TEP1: variants seen among roughly 807,000 people sequenced by gnomAD.
The protein encoded by TEP1 is telomerase associated protein 1.
Under a neutral mutation model 306.3 loss-of-function variants are expected in TEP1, and 241 were observed. The observed-to-expected ratio is 0.79, with a 90% CI of 0.71 to 0.88. The LOEUF (loss-of-function observed/expected upper bound fraction) is 0.88, where lower values mean the gene tolerates loss of function less well. Among genes scored for constraint, TEP1 ranks in the 40% least tolerant of loss-of-function variants. TEP1 has a pLI of 0.00. For missense variants in TEP1, 3,051 were observed against 3,276.1 expected (o/e 0.93, Z 1.68); for synonymous variants, 1,289 against 1,305.5 (o/e 0.99, Z 0.27).
At chr14:20,382,587 G>A in intron 28 of TEP1, 36 bp downstream of exon 28, 1 of 1,601,770 alleles carries the variant, frequency 6.2e-7, no homozygotes, top group Non-Finnish European at 8.6e-7. Context: ...AGAATGGGAA[G>A]TAGTGATTAG....
intron 1 of TEP1, among the ~76,000 whole-genome samples, chr14:20,412,142 C>T (rs557877169): frequency 6.6e-6 from 1 of 152,152 alleles, no homozygotes. Context: ...ACAACAATAT[C>T]TCACTGGACG....
chr14:20,395,625 A>G lies in TEP1; in HGVS notation c.1753T>C (p.Leu585=). 1 of 1,593,780 alleles carries G rather than the reference A, an allele frequency of 6.3e-7. No individual in the cohort carries two copies. Among genetic ancestry groups the G allele is most frequent in the African/African-American group, 1.3e-5 (1 of 74,656 alleles). Residue 585 remains leucine (L), a splice_region_variant and synonymous_variant, in exon 12 of 55, where the codon TTG becomes CTG. Coordinates refer to ENST00000262715, the MANE Select transcript of TEP1 (RefSeq NM_007110.5). The part of the protein sequence containing the change: ...ALEAQLRNQA[L]PFPSNITLMR... ...AGTGTTATATTCGAAGGAAAGGGCA[A>G]TGCTGTATGATGACAGGTAAATTTC... is the stretch of plus-strand genomic sequence containing the variant.
In TEP1 at chr14:20,374,558, G is replaced by T. The variant is rs780925018; in HGVS notation, c.6364-22C>A. 2.5e-6 allele frequency: 4 copies of T among 1,569,680 alleles called. No individual in the cohort carries two copies. The East Asian group carries it at 9.0e-5, about 35-fold the overall frequency. ...ATATCTACAGAGTCAGAAGTCAGAG[G>T]AGTGGGATTATCAGCATCCCTCCAG... On this transcript the variant is annotated intron_variant, in intron 43 of 54. Transcript: ENST00000262715.
At chr14:20,399,787 G>A (rs997247270) in intron 9 of TEP1, among the ~76,000 whole-genome samples, 19 of 151,960 alleles carry the variant, frequency 1.3e-4, no homozygotes, top group Non-Finnish European at 1.5e-5. Flanking sequence ...GACATTAAAA[G>A]AATAAATTTA....
chr14:20,386,202 G>C lies in TEP1; in HGVS notation c.2862-7C>G. On this transcript the variant is annotated splice_region_variant and splice_polypyrimidine_tract_variant and intron_variant, in intron 19 of 54. Transcript: ENST00000262715. Reference sequence around the variant, plus strand: ...AAGGCACACTTCCAGTTGTCTGTAGGCATGATGATAGGGACGTGTGGGAGT... The same window carrying C: ...AAGGCACACTTCCAGTTGTCTGTAGCCATGATGATAGGGACGTGTGGGAGT... The C allele has an allele frequency of 6.2e-7, 1 of 1,613,954 alleles. No homozygotes were observed. Among genetic ancestry groups the C allele is most frequent in the Non-Finnish European group, 8.5e-7 (1 of 1,179,962 alleles).
intron 19 of TEP1, 113 bp downstream of exon 19, chr14:20,386,334 C>T (rs542651992): frequency 1.6e-5 from 26 of 1,577,424 alleles, no homozygotes; most frequent in East Asian, 2.3e-5. Flanking sequence ...ATCCAAGGAG[C>T]GACTCCCGCC....
intron 10 of TEP1, 90 bp downstream of exon 10, chr14:20,396,531 C>G (rs1878214271): frequency 8.9e-7 from 1 of 1,119,568 alleles, no homozygotes; most frequent in African/African-American, 1.6e-5. Context: ...CCTCTGCCCC[C>G]TGAAAAAGCC....
rs1877135647 is a variant in TEP1 at position 20,386,251 on chromosome 14, A to C, written c.2862-56T>G. On this transcript the variant is annotated intron_variant, in intron 19 of 54. Coordinates refer to ENST00000262715, the MANE Select transcript of TEP1 (RefSeq NM_007110.5). ...GTCACTGGGGGCATGGTATCAGGGA[A>C]CATAGGCACAAACAGGGAGACGGGG... The C allele has an allele frequency of 2.0e-5, 33 of 1,610,012 alleles. No individual in the cohort carries two copies. In the South Asian group the frequency reaches 3.5e-4, roughly 17 times the overall value.
intron 18 of TEP1, 137 bp downstream of exon 18, chr14:20,387,765 ACCT>A: frequency 9.6e-7 from 1 of 1,045,358 alleles, no homozygotes; most frequent in African/African-American, 1.6e-5. Flanking sequence ...TGGTAGAGAA[ACCT>A]CCGCCTGAGA....
At chr14:20,404,560 T>G in intron 5 of TEP1, 51 bp downstream of exon 5, 1 of 1,574,772 alleles carries the variant, frequency 6.4e-7, no homozygotes, top group Non-Finnish European at 8.6e-7. Flanking sequence ...GCAGTGAGCA[T>G]AAGAGAAGGA....
Position 20,376,166 on chromosome 14 carries a change from G to T in TEP1, c.6187C>A (p.Pro2063Thr). The T allele has an allele frequency of 6.2e-7, 1 of 1,614,152 alleles. No homozygotes were observed. The highest frequency in any genetic ancestry group is 8.5e-7 in the Non-Finnish European group (1 of 1,180,028). Residue 2063 changes from proline to threonine, a missense_variant, in exon 42 of 55, where the codon CCT (proline) becomes ACT (threonine). Pro to Thr is a conservative substitution (Grantham distance 38, BLOSUM62 -1). Around this residue, in one of 3 missense-constraint regions of TEP1, gnomAD observed 1,540 missense variants for 1,705.9 expected, o/e 0.90. Transcript: ENST00000262715. ...GTGCTGAAACTACAGCAGCTCACAG[G>T]GCCCTCATGTCCCCGCAGCTCAGTG... ...CGTELRGHEG[P>T]VSCCSFSTDG...
Position 20,384,106 on chromosome 14 carries a change from G to C in TEP1, c.3466C>G (p.Leu1156Val). ...CTCAGCCTTCCGTGGGGCAGCATCAGCCGTTGCACTGTGTCCTGAAGAAGG... is the reference window on the plus strand; with the variant it reads ...CTCAGCCTTCCGTGGGGCAGCATCACCCGTTGCACTGTGTCCTGAAGAAGG... The part of the protein sequence containing the change: ...PRLLQDTVQR[L>V]MLPHGRLSLV... The change falls in exon 24 of 55, where the codon CTG (leucine) becomes GTG (valine). Residue 1156 changes from leucine (L) to valine (V), a missense_variant. Physicochemically the swap from Leu to Val is conservative, Grantham distance 32. This residue lies in a region of TEP1 where 1,507 missense variants were observed against 1,550.5 expected (regional missense o/e 0.97). Transcript: ENST00000262715. 1 of 1,614,030 alleles carries C rather than the reference G, an allele frequency of 6.2e-7. No individual in the cohort carries two copies. The highest frequency in any genetic ancestry group is 8.5e-7 in the Non-Finnish European group (1 of 1,180,028).
chr14:20,405,414 G>C (rs1423738887), intron 4 of TEP1, 37 bp downstream of exon 4: 8 of 1,578,300 alleles, frequency 5.1e-6, no homozygotes, highest in African/African-American at 2.8e-5. Flanking sequence ...CAGTCTACCA[G>C]CTTCACACCC....
intron 48 of TEP1, 45 bp downstream of exon 48, chr14:20,372,965 AG>A: frequency 1.2e-6 from 2 of 1,613,792 alleles, no homozygotes; most frequent in Non-Finnish European, 1.7e-6. Context: ...ATACACAGCC[AG>A]GGTAGAATTC....
chr14:20,405,835 G>A (rs926648305), intron 3 of TEP1, among the ~76,000 whole-genome samples: 18 of 152,120 alleles, frequency 1.2e-4, no homozygotes, highest in Middle Eastern at 6.8e-3. Flanking sequence ...CCAACATGGC[G>A]AAATCCCATC....
At position 20,368,893 on chromosome 14, in the gene TEP1, C is replaced by T. The variant is rs772873649; in HGVS notation, c.7666G>A (p.Gly2556Ser). Residue 2556 changes from glycine (G) to serine (S), a missense_variant, in exon 54 of 55, where the codon GGC becomes AGC. Coordinates refer to ENST00000262715, the MANE Select transcript of TEP1 (RefSeq NM_007110.5). Reference sequence around the variant, plus strand: ...AGCACATGGAGGGCTGTGACAGAGCCCGAGTGAATCTCAAAGAGGAAAGGG... The same window carrying T: ...AGCACATGGAGGGCTGTGACAGAGCTCGAGTGAATCTCAAAGAGGAAAGGG... ...KTRQRRKIHS[G>S]SVTALHVLPE... is the part of the protein sequence containing the mutation. 18 of 1,613,360 alleles carry T rather than the reference C, an allele frequency of 1.1e-5. No homozygotes were observed. Among genetic ancestry groups the T allele is most frequent in the Non-Finnish European group, 1.5e-5 (18 of 1,179,740 alleles).
rs1885143030 is a variant in TEP1 at position 20,375,841 on chromosome 14, G to A, written c.6277C>T (p.Pro2093Ser). 1 of 1,613,368 alleles carries A rather than the reference G, an allele frequency of 6.2e-7. No homozygotes were observed. The highest frequency in any genetic ancestry group is 1.1e-5 in the South Asian group (1 of 91,066). Residue 2093 changes from proline to serine, a missense_variant, in exon 43 of 55, where the codon CCC becomes TCC. Pro to Ser is a moderately conservative substitution (Grantham distance 74). Transcript: ENST00000262715. ...GAGTGGATCAAAACAGGGGTTTTGGGTGTCCTCACGTCCCAGCAGAGGAGA... is the reference window on the plus strand; with the variant it reads ...GAGTGGATCAAAACAGGGGTTTTGGATGTCCTCACGTCCCAGCAGAGGAGA... The part of the protein sequence containing the change: ...RSLLCWDVRT[P>S]KTPVLIHSFP...
chr14:20,382,475 A>T, intron 28 of TEP1, 119 bp from the exon 29 acceptor site: 1 of 1,536,088 alleles, frequency 6.5e-7, no homozygotes, highest in Non-Finnish European at 8.9e-7. Flanking sequence ...AAAGAACAAC[A>T]GTAGGAGGGA....
intron 41 of TEP1, among the ~76,000 whole-genome samples, chr14:20,376,874 C>G (rs1885205204): frequency 6.6e-6 from 1 of 152,158 alleles, no homozygotes; most frequent in Admixed American, 6.5e-5. Flanking sequence ...TATTTTCATA[C>G]ACATATACAT....
Sources: gnomAD v4.1 joint callset for allele counts (sites outside exome capture counted in the v4.1 genomes callset) on GRCh38, gnomAD v4.1.1 for gene constraint, gnomAD v4.1.1 regional missense constraint, MANE v1.5 for transcripts, NCBI Gene and HGNC (gene_info 2026-07-23, HGNC 2026-07-21) for gene names.